Variants in ADAMTS17 observed in about 807,000 individuals in gnomAD.
The protein encoded by ADAMTS17 is A disintegrin and metalloproteinase with thrombospondin motifs 17.
A neutral mutation model predicts 141.5 loss-of-function variants in ADAMTS17; 113 were observed. The ratio of observed to expected loss-of-function variants is 0.80; its 90% CI spans 0.69 to 0.93. The LOEUF (loss-of-function observed/expected upper bound fraction) is 0.93. Ranked by LOEUF, ADAMTS17 falls within the 40% of genes least tolerant of loss-of-function variation. The pLI, the probability that ADAMTS17 is intolerant of heterozygous loss-of-function variation, is 0.00. For missense variants in ADAMTS17, 1,659 were observed against 1,517.9 expected (o/e 1.09, Z -1.54); for synonymous variants, 768 against 630.6 (o/e 1.22, Z -3.27).
chr15:100,148,289 G>C (rs1037433848), intron 10 of ADAMTS17, among the ~76,000 whole-genome samples: 1 of 152,212 alleles, frequency 6.6e-6, no homozygotes, highest in African/African-American at 2.4e-5. Flanking sequence ...GACTTTGAGT[G>C]TATCTAAATC....
intron 10 of ADAMTS17, among the ~76,000 whole-genome samples, chr15:100,142,285 G>C (rs1596543803): frequency 6.6e-6 from 1 of 152,208 alleles, no homozygotes; most frequent in South Asian, 2.1e-4. Flanking sequence ...TCTGCAGGAC[G>C]TGAGAAAGGA....
chr15:100,096,536 C>G, intron 14 of ADAMTS17, 60 bp from the exon 15 acceptor site: 1 of 1,612,072 alleles, frequency 6.2e-7, no homozygotes, highest in Middle Eastern at 1.7e-4. Context: ...TTTAAAGAGG[C>G]TGCCCTGCAA....
rs140205245 is a variant in ADAMTS17 at position 100,333,317 on chromosome 15, G to A, written c.451-2263C>T. 3.1e-3 allele frequency among the ~76,000 whole-genome samples: 474 copies of A among 152,232 alleles called. 1 individual carries two copies. The highest frequency in any genetic ancestry group is 0.014 in the Middle Eastern group (4 of 294). On this transcript the variant is annotated intron_variant, in intron 2 of 21. Coordinates refer to ENST00000268070, the MANE Select transcript of ADAMTS17 (RefSeq NM_139057.4). ...AAGAAAAAATTCGACTGAAAATGCAGTTACGTGCACAGACTGCCTGCAGCC... is the reference window on the plus strand; with the variant it reads ...AAGAAAAAATTCGACTGAAAATGCAATTACGTGCACAGACTGCCTGCAGCC...
chr15:100,061,279 C>A (rs1596323356), intron 15 of ADAMTS17, among the ~76,000 whole-genome samples: 1 of 152,200 alleles, frequency 6.6e-6, no homozygotes, highest in East Asian at 1.9e-4. Context: ...AGGTGGAGAC[C>A]CTGGATGAGA....
Position 100,070,774 on chromosome 15 carries a change from C to A in ADAMTS17, c.2138-16720G>T, listed in dbSNP as rs955616617. ...AGAGGGAAATTTATAGCACTAAATG[C>A]CCACAAGAGAAAGCAGGAAAGATCT... On this transcript the variant is annotated intron_variant, in intron 15 of 21. Transcript: ENST00000268070. 1.9e-4 allele frequency among the ~76,000 whole-genome samples: 28 copies of A among 148,774 alleles called. 1 individual carries two copies. The highest frequency in any genetic ancestry group is 6.0e-4 in the African/African-American group (24 of 40,086).
At chr15:100,271,895 G>A (rs1311339695) in intron 4 of ADAMTS17, among the ~76,000 whole-genome samples, 3 of 152,048 alleles carry the variant, frequency 2.0e-5, no homozygotes, top group Non-Finnish European at 4.4e-5. Flanking sequence ...GTTAATTTTT[G>A]TATGTTAGGT....
chr15:100,039,012 C>G (rs912263937), intron 18 of ADAMTS17, among the ~76,000 whole-genome samples: 1 of 152,224 alleles, frequency 6.6e-6, no homozygotes, highest in Non-Finnish European at 1.5e-5. Context: ...TGTCCACTTT[C>G]TGTAAGTTAT....
At chr15:100,289,548 TCA>T (rs35262820) in intron 3 of ADAMTS17, among the ~76,000 whole-genome samples, 21,217 of 146,216 alleles carry the variant, frequency 0.15, 1,897 homozygotes, top group African/African-American at 0.26. Flanking sequence ...ATACACACAC[TCA>T]CACACACACA....
rs77149417 is a variant in ADAMTS17 at position 100,231,770 on chromosome 15, C to A, written c.1075+22366G>T. 3.6e-3 allele frequency among the ~76,000 whole-genome samples: 549 copies of A among 152,246 alleles called. 16 individuals carry two copies. In the East Asian group the frequency reaches 0.061, roughly 17 times the overall value. On this transcript the variant is annotated intron_variant, in intron 7 of 21. Coordinates refer to ENST00000268070, the MANE Select transcript of ADAMTS17 (RefSeq NM_139057.4). ...CCAAAAGGGTCTCAATGGTCTGTTG[C>A]CTCCTTCTGAGCTTTGGGTATGCAT...
intron 3 of ADAMTS17, chr15:100,306,260 T>C (rs1237253545): frequency 2.9e-6 from 1 of 342,024 alleles, no homozygotes; most frequent in African/African-American, 2.1e-5. Context: ...TGAACCTGGG[T>C]AGGTTTCTAA....
rs1783083207 is a variant in ADAMTS17 at position 99,974,553 on chromosome 15, G to T, written c.3137C>A (p.Thr1046Asn). 6.2e-7 allele frequency: 1 copy of T among 1,614,124 alleles called. No individual in the cohort carries two copies. Among genetic ancestry groups the T allele is most frequent in the Non-Finnish European group, 8.5e-7 (1 of 1,180,050 alleles). The stretch of plus-strand genomic sequence containing the variant: ...CCACTGGTCTCGTGTGCATTTGTAG[G>T]TCAGAGCAGCTAAGGGGATAGGAGA... Reference protein sequence around the residue: ...TITSPRLAALTYKCTRDQWTV... With the variant: ...TITSPRLAALNYKCTRDQWTV... Residue 1046 changes from threonine (T) to asparagine (N), a missense_variant, in exon 22 of 22, where the codon ACC (threonine) becomes AAC (asparagine). Transcript: ENST00000268070.
At chr15:100,020,523 G>A (rs1014473117) in intron 18 of ADAMTS17, among the ~76,000 whole-genome samples, 2 of 152,140 alleles carry the variant, frequency 1.3e-5, no homozygotes, top group Non-Finnish European at 2.9e-5. Context: ...CAAGCTGCAG[G>A]TTCACTCCCT....
chr15:100,062,878 G>A (rs1453333108), intron 15 of ADAMTS17, among the ~76,000 whole-genome samples: 1 of 152,108 alleles, frequency 6.6e-6, no homozygotes, highest in Admixed American at 6.5e-5. Flanking sequence ...AGAAGGGCAG[G>A]GGCCACAGCA....
chr15:100,091,275 C>G (rs2035454752), intron 15 of ADAMTS17, among the ~76,000 whole-genome samples: 1 of 152,034 alleles, frequency 6.6e-6, no homozygotes, highest in Non-Finnish European at 1.5e-5. Flanking sequence ...ACTGCCGAAG[C>G]ATGAAGAATA....
chr15:99,977,384 ATATATATATATATATAATTTTTTTTTT>A (rs2060377192), intron 20 of ADAMTS17, among the ~76,000 whole-genome samples: 1 of 14,778 alleles, frequency 6.8e-5, no homozygotes, highest in African/African-American at 2.7e-4. Context: ...ATATATATAT[ATATATATATATATATAATTTTTTTTTT>A]TTTTTTTTTT....
chr15:100,116,970 G>T lies in ADAMTS17; in HGVS notation c.1765C>A (p.His589Asn). The change falls in exon 13 of 22, where the codon CAT (histidine) becomes AAT (asparagine). Residue 589 changes from histidine to asparagine, a missense_variant. By Grantham distance (68) the His-to-Asn change is moderately conservative (BLOSUM62 1). Coordinates refer to ENST00000268070, the MANE Select transcript of ADAMTS17 (RefSeq NM_139057.4). Reference sequence around the variant, plus strand: ...CAGGGCAGGTTCTCGCAGACCGCATGTTCTACACTGGCACCCGGGCAGTGT... The same window carrying T: ...CAGGGCAGGTTCTCGCAGACCGCATTTTCTACACTGGCACCCGGGCAGTGT... ...GTHCPGASVE[H>N]AVCENLPCPK... 1 of 1,613,868 alleles carries T rather than the reference G, an allele frequency of 6.2e-7. No homozygotes were observed. The highest frequency in any genetic ancestry group is 8.5e-7 in the Non-Finnish European group (1 of 1,179,954).
At chr15:99,983,395 GC>G (rs546962955) in intron 20 of ADAMTS17, among the ~76,000 whole-genome samples, 3 of 152,188 alleles carry the variant, frequency 2.0e-5, no homozygotes, top group Admixed American at 2.0e-4. Flanking sequence ...GCCTGCCCCT[GC>G]CCCCCACCTG....
At chr15:100,242,606 C>T (rs757441946) in intron 7 of ADAMTS17, among the ~76,000 whole-genome samples, 5 of 152,188 alleles carry the variant, frequency 3.3e-5, no homozygotes, top group Non-Finnish European at 7.4e-5. Context: ...CTCTCCTCCC[C>T]GTCCTGCACA....
At chr15:100,058,336 C>T (rs1006378939) in intron 15 of ADAMTS17, among the ~76,000 whole-genome samples, 1 of 152,148 alleles carries the variant, frequency 6.6e-6, no homozygotes, top group East Asian at 1.9e-4. Context: ...ACCCCTATCC[C>T]GGCTCTAACA....
Sources: gnomAD v4.1 joint callset for allele counts (sites outside exome capture counted in the v4.1 genomes callset) on GRCh38, gnomAD v4.1.1 for gene constraint, MANE v1.5 for transcripts, NCBI Gene and HGNC (gene_info 2026-07-23, HGNC 2026-07-21) for gene names.